Variants in SERPINB2 observed in about 807,000 individuals in gnomAD.
SERPINB2 encodes the protein plasminogen activator inhibitor 2.
A neutral mutation model predicts 39.4 loss-of-function variants in SERPINB2; 28 were observed. The observed-to-expected ratio is 0.71, with a 90% CI of 0.53 to 0.97. The LOEUF (loss-of-function observed/expected upper bound fraction) is 0.97. Among genes scored for constraint, SERPINB2 ranks in the 50% least tolerant of loss-of-function variants. SERPINB2 has a pLI of 0.00. For missense variants in SERPINB2, 557 were observed against 505.3 expected (o/e 1.10, Z -0.98); for synonymous variants, 209 against 175.1 (o/e 1.19, Z -1.53).
At chr18:63,898,799 G>A (rs941892233) in intron 5 of SERPINB2, among the ~76,000 whole-genome samples, 2 of 152,136 alleles carry the variant, frequency 1.3e-5, no homozygotes, top group Non-Finnish European at 1.5e-5. Flanking sequence ...ATGCCTGGGG[G>A]GAGATTTCCA....
At chr18:63,896,525 A>G (rs2049960510) in intron 3 of SERPINB2, among the ~76,000 whole-genome samples, 1 of 152,248 alleles carries the variant, frequency 6.6e-6, no homozygotes, top group Non-Finnish European at 1.5e-5. Context: ...TTCAAGATGT[A>G]CAGTGTGATG....
chr18:63,895,324 A>G lies in SERPINB2; in HGVS notation c.229A>G (p.Thr77Ala). The part of the protein sequence containing the change: ...AVTPMTPENF[T>A]SCGFMQQIQK... ...TACCCCCATGACTCCAGAGAACTTT[A>G]CCAGCTGTGGGTTCATGCAGCAGAT... Residue 77 changes from threonine to alanine, a missense_variant, in exon 3 of 8, where the codon ACC becomes GCC. Thr to Ala is a moderately conservative substitution (Grantham distance 58). Transcript: ENST00000299502. 1 of 1,614,102 alleles carries G rather than the reference A, an allele frequency of 6.2e-7. No homozygotes were observed. The highest frequency in any genetic ancestry group is 1.1e-5 in the South Asian group (1 of 91,072).
rs762992160 is a variant in SERPINB2, at chr18:63,903,179, A to C, written c.1122A>C (p.Gly374=). ...EEGTEAAAGT[G]GVMTGRTGHG... Reference sequence around the variant, plus strand: ...GCACTGAAGCAGCCGCTGGCACAGGAGGTGTTATGACAGGGAGAACTGGAC... The same window carrying C: ...GCACTGAAGCAGCCGCTGGCACAGGCGGTGTTATGACAGGGAGAACTGGAC... Residue 374 remains glycine, a synonymous_variant, in exon 8 of 8, where the codon GGA becomes GGC. Transcript: ENST00000299502. 3.1e-6 allele frequency: 5 copies of C among 1,613,706 alleles called. No individual in the cohort carries two copies. Among genetic ancestry groups the C allele is most frequent in the Non-Finnish European group, 3.4e-6 (4 of 1,179,742 alleles).
chr18:63,902,583 TATTTAA>T lies in SERPINB2; in HGVS notation c.843+16_843+21del, dbSNP rs2049999479. The T allele has an allele frequency of 3.2e-6, 5 of 1,574,800 alleles. No individual in the cohort carries two copies. Among genetic ancestry groups the T allele is most frequent in the Non-Finnish European group, 4.3e-6 (5 of 1,162,584 alleles). ...GCTTGGAGCTGGTAAGACATTCAGATATTTAAGTTTCTGGGGCTATACCTACCTTTC... is the reference window on the plus strand; with the variant it reads ...GCTTGGAGCTGGTAAGACATTCAGATGTTTCTGGGGCTATACCTACCTTTC... On this transcript the variant is annotated intron_variant, in intron 7 of 7. Transcript: ENST00000299502.
chr18:63,896,296 A>G (rs2049959026), intron 3 of SERPINB2, among the ~76,000 whole-genome samples: 1 of 152,216 alleles, frequency 6.6e-6, no homozygotes, highest in Admixed American at 6.5e-5. Flanking sequence ...GCTGTGACCA[A>G]GCCCTGTGTC....
At chr18:63,894,153 A>T (rs1278061764) in intron 2 of SERPINB2, among the ~76,000 whole-genome samples, 2 of 152,082 alleles carry the variant, frequency 1.3e-5, no homozygotes, top group Non-Finnish European at 2.9e-5. Flanking sequence ...TGACTTTAAC[A>T]CTGATTCAGG....
rs2050004233 is a variant in SERPINB2, at chr18:63,903,096, A to T, written c.1039A>T (p.Asn347Tyr). 6.2e-7 allele frequency: 1 copy of T among 1,613,698 alleles called. No homozygotes were observed. The highest frequency in any genetic ancestry group is 1.7e-4 in the Middle Eastern group (1 of 6,054). Residue 347 changes from asparagine (N) to tyrosine (Y), a missense_variant, in exon 8 of 8, where the codon AAT (asparagine) becomes TAT (tyrosine). By Grantham distance (143) the Asn-to-Tyr change is moderately radical (BLOSUM62 -2). Coordinates refer to ENST00000299502, the MANE Select transcript of SERPINB2 (RefSeq NM_002575.3). ...CAATTTCTCAGGGATGTCGGAGAGG[A>T]ATGACCTGTTTCTTTCTGAAGTGTT... ...RANFSGMSERNDLFLSEVFHQ... is the reference protein window; with the variant it reads ...RANFSGMSERYDLFLSEVFHQ...
chr18:63,901,357 A>T (rs553217889), intron 5 of SERPINB2, among the ~76,000 whole-genome samples: 1 of 152,322 alleles, frequency 6.6e-6, no homozygotes, highest in Non-Finnish European at 1.5e-5. Context: ...TATCTAGACC[A>T]GATCTAGCAG....
In SERPINB2 at chr18:63,903,341, G is replaced by A. The variant is rs761033114; in HGVS notation, c.*36G>A. The A allele has an allele frequency of 5.4e-6, 8 of 1,477,576 alleles. No individual in the cohort carries two copies. Among genetic ancestry groups the A allele is most frequent in the African/African-American group, 1.4e-5 (1 of 70,224 alleles). The allele number at this position is 1,477,576 out of a possible 1,614,324, so 91.5% of individuals were successfully genotyped here. ...GCTGCTTCTGCAAAAGATTTTTGTA[G>A]ATGAGCTGTGTGCCTCAGAATTGCT... On this transcript the variant is annotated 3_prime_UTR_variant, in exon 8 of 8. Coordinates refer to ENST00000299502, the MANE Select transcript of SERPINB2 (RefSeq NM_002575.3).
chr18:63,892,554 C>T (rs536161983), intron 2 of SERPINB2: 1 of 152,324 alleles, frequency 6.6e-6, no homozygotes, highest in African/African-American at 2.4e-5. Flanking sequence ...TAAGGACACG[C>T]ATGCATTGTG....
intron 1 of SERPINB2, among the ~76,000 whole-genome samples, 161 bp from the exon 2 acceptor site, chr18:63,891,275 C>G (rs1264400719): frequency 6.6e-6 from 1 of 152,094 alleles, no homozygotes; most frequent in East Asian, 1.9e-4. Flanking sequence ...GGTGGTATGT[C>G]CATGAAGCTG....
At chr18:63,890,654 A>G (rs2049919874) in intron 1 of SERPINB2, 1 of 152,370 alleles carries the variant, frequency 6.6e-6, no homozygotes, top group Admixed American at 6.5e-5. Flanking sequence ...TATCCCTGCA[A>G]TCTTGCCTGG....
At chr18:63,897,941 C>A (rs1174195388) in intron 5 of SERPINB2, 97 bp downstream of exon 5, 3 of 786,920 alleles carry the variant, frequency 3.8e-6, no homozygotes, top group East Asian at 2.5e-5. Flanking sequence ...CACCCCTTTA[C>A]AATTTGTCCA....
chr18:63,897,936 C>A (rs952050093), intron 5 of SERPINB2, 92 bp downstream of exon 5: 2 of 834,904 alleles, frequency 2.4e-6, no homozygotes, highest in East Asian at 5.0e-5. Flanking sequence ...GCCCTCACCC[C>A]TTTACAATTT....
At chr18:63,901,608 TA>T in intron 5 of SERPINB2, 131 bp from the exon 6 acceptor site, 1 of 604,148 alleles carries the variant, frequency 1.7e-6, no homozygotes, top group Non-Finnish European at 2.5e-6. Context: ...TAAATAAACC[TA>T]AAAAACTTTA....
chr18:63,897,959 T>C, intron 5 of SERPINB2, 115 bp downstream of exon 5: 1 of 687,886 alleles, frequency 1.5e-6, no homozygotes, highest in East Asian at 2.6e-5. Flanking sequence ...CCAACTGCAG[T>C]TACTTTGGTG....
At chr18:63,891,811 G>A (rs1263564888) in intron 2 of SERPINB2, among the ~76,000 whole-genome samples, 199 bp downstream of exon 2, 1 of 152,228 alleles carries the variant, frequency 6.6e-6, no homozygotes, top group Admixed American at 6.5e-5. Context: ...CTCAACTGTA[G>A]CTGTTGAAGG....
chr18:63,893,655 C>T (rs1287308084), intron 2 of SERPINB2, among the ~76,000 whole-genome samples: 1 of 152,192 alleles, frequency 6.6e-6, no homozygotes, highest in Non-Finnish European at 1.5e-5. Context: ...CCATTTGCAT[C>T]TCAGTTTTCT....
At position 63,895,366 on chromosome 18, in the gene SERPINB2, C is replaced by A; in HGVS notation, c.271C>A (p.Pro91Thr). Residue 91 changes from proline to threonine, a missense_variant, in exon 3 of 8, where the codon CCT becomes ACT. Physicochemically the swap from Pro to Thr is conservative, Grantham distance 38. Coordinates refer to ENST00000299502, the MANE Select transcript of SERPINB2 (RefSeq NM_002575.3). ...FMQQIQKGSY[P>T]DAILQAQAAD... Reference sequence around the variant, plus strand: ...GCAGCAGATCCAGAAGGGTAGTTATCCTGATGCGATTTTGCAGGTATCTGA... The same window carrying A: ...GCAGCAGATCCAGAAGGGTAGTTATACTGATGCGATTTTGCAGGTATCTGA... The A allele has an allele frequency of 6.2e-7, 1 of 1,613,926 alleles. No homozygotes were observed. Among genetic ancestry groups the A allele is most frequent in the South Asian group, 1.1e-5 (1 of 91,044 alleles).
Sources: gnomAD v4.1 joint callset for allele counts (sites outside exome capture counted in the v4.1 genomes callset) on GRCh38, gnomAD v4.1.1 for gene constraint, MANE v1.5 for transcripts, NCBI Gene and HGNC (gene_info 2026-07-23, HGNC 2026-07-21) for gene names.